Variants in UNK observed in about 807,000 individuals in gnomAD.
UNK encodes RING finger protein unkempt homolog.
In UNK, 32 loss-of-function variants were observed where a neutral mutation model predicts 97.6. The observed-to-expected ratio is 0.33, with a 90% confidence interval of 0.25 to 0.44. UNK has a LOEUF of 0.44. Ranked by LOEUF, UNK falls within the 20% of genes least tolerant of loss-of-function variation. The pLI is 1.00. For missense variants in UNK, 771 were observed against 1,098.4 expected, an observed-to-expected ratio of 0.70 and a Z score of 4.21; for synonymous variants, 441 against 461.2, an observed-to-expected ratio of 0.96 and a Z score of 0.56.
chr17:75,802,835 T>C (rs1447276140), intron 1 of UNK, among the ~76,000 whole-genome samples: 1 of 152,140 alleles, frequency 6.6e-6, no homozygotes, highest in Non-Finnish European at 1.5e-5. Context: ...AGTAGTCAAT[T>C]AAAAAAGAAG....
In UNK at chr17:75,813,753, T is replaced by G. The variant is rs1376536185; in HGVS notation, c.759-8T>G. On this transcript the variant is annotated splice_region_variant and splice_polypyrimidine_tract_variant and intron_variant, in intron 5 of 15. Transcript: ENST00000589666. ...TTCTCCATCTGACCCCACCCTCTTG[T>G]TGGCCAGGTCGTCTCCATGTCCAAA... 1 of 1,570,790 alleles carries G rather than the reference T, an allele frequency of 6.4e-7. No homozygotes were observed. The highest frequency in any genetic ancestry group is 1.9e-5 in the Admixed American group (1 of 53,486).
At chr17:75,812,632 A>G in intron 4 of UNK, 47 bp downstream of exon 4, 1 of 1,585,378 alleles carries the variant, frequency 6.3e-7, no homozygotes, top group Non-Finnish European at 8.6e-7. Flanking sequence ...AATCCTGCTC[A>G]TAGCTGCCCT....
In UNK at chr17:75,812,094, C is replaced by T. The variant is rs1483342614; in HGVS notation, c.315-18C>T. The T allele has an allele frequency of 3.2e-6, 5 of 1,571,512 alleles. No individual in the cohort carries two copies. The highest frequency in any genetic ancestry group is 3.4e-4 in the Middle Eastern group (2 of 5,876). Reference sequence around the variant, plus strand: ...CTGCAGGCAGCAAAGTTGAGTGACCCCCACTACCGTGTTCCAGGTGCCCAT... The same window carrying T: ...CTGCAGGCAGCAAAGTTGAGTGACCTCCACTACCGTGTTCCAGGTGCCCAT... On this transcript the variant is annotated intron_variant, in intron 2 of 15. Coordinates refer to ENST00000589666, the MANE Select transcript of UNK (RefSeq NM_001080419.3).
intron 1 of UNK, among the ~76,000 whole-genome samples, chr17:75,798,652 C>T (rs2061828434): frequency 6.6e-6 from 1 of 152,062 alleles, no homozygotes; most frequent in African/African-American, 2.4e-5. Context: ...GGCCGATACC[C>T]AGCTTTTGTC....
Position 75,818,809 on chromosome 17 carries a change from A to C in UNK, c.1539A>C (p.Ser513=), listed in dbSNP as rs1204427029. The C allele has an allele frequency of 6.2e-7, 1 of 1,600,374 alleles. No homozygotes were observed. The highest frequency in any genetic ancestry group is 1.7e-5 in the Admixed American group (1 of 58,030). The change falls in exon 11 of 16, where the codon TCA becomes TCC. Residue 513 remains serine (S), a synonymous_variant. Transcript: ENST00000589666. This position sits in a 1 kb window ranked among gnomAD's most constrained non-coding sequence, Gnocchi z 5.1. ...PFYPTSDTVE[S]VIESALDDLD... ...ACCCCACCAGCGACACGGTAGAGTCAGTCATAGGTAACTAGGCCATTTCTG... is the reference window on the plus strand; with the variant it reads ...ACCCCACCAGCGACACGGTAGAGTCCGTCATAGGTAACTAGGCCATTTCTG...
chr17:75,795,321 TTTGTTG>T (rs542714810), intron 1 of UNK, among the ~76,000 whole-genome samples: 4 of 151,736 alleles, frequency 2.6e-5, no homozygotes, highest in Non-Finnish European at 5.9e-5. Flanking sequence ...TTGTGGGCTT[TTTGTTG>T]TTGTTGTTGT....
In UNK at chr17:75,815,387, T is replaced by C. The variant is rs941551403; in HGVS notation, c.961+134T>C. 1.3e-5 allele frequency: 10 copies of C among 760,604 alleles called. No individual in the cohort carries two copies. In the East Asian group the frequency reaches 2.6e-4, roughly 20 times the overall value. The allele number at this position is 760,604 out of a possible 1,614,324, so 47.1% of individuals were successfully genotyped here. A position where few individuals can be genotyped will look rare whatever the true frequency, so the allele number is the denominator to read the frequency against. On this transcript the variant is annotated intron_variant, in intron 7 of 15. Transcript: ENST00000589666. ...GTTCTGGCCTGCCAGCAGCAGGCCT[T>C]GTCCCCACTGGAAGCTCCATTCCCC... is the stretch of plus-strand genomic sequence containing the variant.
chr17:75,786,509 C>G lies in UNK; in HGVS notation c.104+1525C>G, dbSNP rs1283876443. On this transcript the variant is annotated intron_variant, in intron 1 of 15. Coordinates refer to ENST00000589666, the MANE Select transcript of UNK (RefSeq NM_001080419.3). The stretch of plus-strand genomic sequence containing the variant: ...ATTGACAGGTGAAACAAGTGAACAG[C>G]TGATTAAATGTCAGTATCTGAGTCT... Among the ~76,000 whole-genome samples, 3 of 152,278 alleles carry G rather than the reference C, an allele frequency of 2.0e-5. No homozygotes were observed. The East Asian group carries it at 5.8e-4, about 29-fold the overall frequency.
chr17:75,818,516 C>T lies in UNK; in HGVS notation c.1372-126C>T. ...TCGGGTGTGCCGGGGCCCATGTGGG[C>T]ATGGGGGCACCCGGACTAGAGCTAG... On this transcript the variant is annotated intron_variant, in intron 10 of 15. Coordinates refer to ENST00000589666, the MANE Select transcript of UNK (RefSeq NM_001080419.3). The surrounding 1 kb of genome is among the most constrained non-coding windows in gnomAD (Gnocchi z 5.1). 1 of 1,155,488 alleles carries T rather than the reference C, an allele frequency of 8.7e-7. No individual in the cohort carries two copies. The highest frequency in any genetic ancestry group is 1.2e-6 in the Non-Finnish European group (1 of 838,942). The allele number at this position is 1,155,488 out of a possible 1,614,324, so 71.6% of individuals were successfully genotyped here. A position where few individuals can be genotyped will look rare whatever the true frequency, so the allele number is the denominator to read the frequency against.
chr17:75,796,030 G>A (rs2061802817), intron 1 of UNK, among the ~76,000 whole-genome samples: 1 of 152,174 alleles, frequency 6.6e-6, no homozygotes, highest in African/African-American at 2.4e-5. Context: ...GTGCACGGGC[G>A]TGTGTGCCCA....
chr17:75,805,167 G>A (rs1408000080), intron 1 of UNK, among the ~76,000 whole-genome samples: 23 of 145,256 alleles, frequency 1.6e-4, no homozygotes, highest in East Asian at 6.2e-4. Flanking sequence ...GGCACAGAGC[G>A]AGACTCCATC....
intron 2 of UNK, among the ~76,000 whole-genome samples, chr17:75,810,819 A>G (rs2061962030): frequency 6.6e-6 from 1 of 151,792 alleles, no homozygotes; most frequent in South Asian, 2.1e-4. Flanking sequence ...CATTTTTAGT[A>G]GAGACAGGGT....
At position 75,824,119 on chromosome 17, in the gene UNK, C is replaced by T. The variant is rs112703123; in HGVS notation, c.2278-143C>T. On this transcript the variant is annotated intron_variant, in intron 15 of 15. Transcript: ENST00000589666. The surrounding 1 kb of genome is among the most constrained non-coding windows in gnomAD (Gnocchi z 4.9). ...TGGACTCAGCCTGCTCTCTCACCTG[C>T]CAACAGGGGTCTGGGAGCACACTGT... 9,787 of 1,035,220 alleles carry T rather than the reference C, an allele frequency of 9.5e-3. 65 individuals carry two copies. The highest frequency in any genetic ancestry group is 0.012 in the Non-Finnish European group (8,818 of 758,530). The allele number at this position is 1,035,220 out of a possible 1,614,324, so 64.1% of individuals were successfully genotyped here. A position where few individuals can be genotyped will look rare whatever the true frequency, so the allele number is the denominator to read the frequency against.
At position 75,816,989 on chromosome 17, in the gene UNK, T is replaced by G; in HGVS notation, c.1104+77T>G. The G allele has an allele frequency of 2.7e-6, 4 of 1,492,632 alleles. No individual in the cohort carries two copies. The highest frequency in any genetic ancestry group is 3.6e-6 in the Non-Finnish European group (4 of 1,119,774). The allele number at this position is 1,492,632 out of a possible 1,614,324, so 92.5% of individuals were successfully genotyped here. A position where few individuals can be genotyped will look rare whatever the true frequency, so the allele number is the denominator to read the frequency against. ...ACTTGCCTCCTAGGCCCTTTCAGCC[T>G]GGGCTTGGGAGACCATCCTGGTATT... On this transcript the variant is annotated intron_variant, in intron 8 of 15. Coordinates refer to ENST00000589666, the MANE Select transcript of UNK (RefSeq NM_001080419.3). This position sits in a 1 kb window ranked among gnomAD's most constrained non-coding sequence, Gnocchi z 4.0.
At position 75,808,461 on chromosome 17, in the gene UNK, G is replaced by A. The variant is rs147491179; in HGVS notation, c.105-1299G>A. On this transcript the variant is annotated intron_variant, in intron 1 of 15. Coordinates refer to ENST00000589666, the MANE Select transcript of UNK (RefSeq NM_001080419.3). The stretch of plus-strand genomic sequence containing the variant: ...TTTTCCAGTTCCCTTCCTATTCCAC[G>A]CACATCCACGAAGGTACTGGGAGCT... 2.6e-5 allele frequency among the ~76,000 whole-genome samples: 4 copies of A among 151,922 alleles called. No homozygotes were observed. The East Asian group carries it at 7.7e-4, about 29-fold the overall frequency.
rs542351639 is a variant in UNK, at chr17:75,809,916, C to T, written c.261C>T (p.Asp87=). The change falls in exon 2 of 16, where the codon GAC becomes GAT. Residue 87 remains aspartate, a synonymous_variant. Transcript: ENST00000589666. ...RRDGTFNYSP[D]VYCTKYDEAT... is the part of the protein sequence containing the mutation. ...ACGGCACCTTCAATTACAGCCCTGA[C>T]GTCTACTGCACCAAGTACGACGAGG... 18 of 1,613,702 alleles carry T rather than the reference C, an allele frequency of 1.1e-5. No individual in the cohort carries two copies. Among genetic ancestry groups the T allele is most frequent in the South Asian group, 2.2e-5 (2 of 91,090 alleles).
In UNK at chr17:75,817,972, G is replaced by A. The variant is rs2062032063; in HGVS notation, c.1306-131G>A. The A allele has an allele frequency of 2.5e-6, 2 of 815,614 alleles. No individual in the cohort carries two copies. The highest frequency in any genetic ancestry group is 3.1e-5 in the South Asian group (2 of 64,802). 50.5% of individuals were successfully genotyped at this position (815,614 alleles called of 1,614,324 possible). On this transcript the variant is annotated intron_variant, in intron 9 of 15. Coordinates refer to ENST00000589666, the MANE Select transcript of UNK (RefSeq NM_001080419.3). The surrounding 1 kb of genome is among the most constrained non-coding windows in gnomAD (Gnocchi z 5.8). ...AGGGGGTGGGGAGGAAGAAGGGGGTGTGTGCATGCATGTGAAGAGGGGTTG... is the reference window on the plus strand; with the variant it reads ...AGGGGGTGGGGAGGAAGAAGGGGGTATGTGCATGCATGTGAAGAGGGGTTG...
At chr17:75,810,304 C>T (rs751620153) in intron 2 of UNK, among the ~76,000 whole-genome samples, 2 of 152,222 alleles carry the variant, frequency 1.3e-5, no homozygotes, top group African/African-American at 4.8e-5. Flanking sequence ...TTAGAGAGAG[C>T]GCCTCACTGG....
intron 4 of UNK, 102 bp from the exon 5 acceptor site, chr17:75,812,976 A>T: frequency 1.4e-6 from 2 of 1,432,664 alleles, no homozygotes. Flanking sequence ...CCTGTCTTGA[A>T]CTCCTTCCCA....
Sources: allele counts gnomAD v4.1 joint callset (sites outside exome capture counted in the v4.1 genomes callset), GRCh38; gene constraint gnomAD v4.1.1; non-coding constraint Gnocchi (gnomAD v3.1); transcripts MANE v1.5; gene names NCBI Gene and HGNC (gene_info 2026-07-23, HGNC 2026-07-21).